Variants in PHYKPL observed in about 807,000 individuals in gnomAD.
PHYKPL encodes the protein 5-phosphohydroxy-L-lysine phospho-lyase.
In PHYKPL, 42 loss-of-function variants were observed where a neutral mutation model predicts 51.3. The observed-to-expected ratio is 0.82, with a 90% confidence interval of 0.64 to 1.06. PHYKPL has a LOEUF of 1.06. PHYKPL is among the 50% of genes least tolerant of loss of function. The probability of loss-of-function intolerance (pLI) is 0.00; values close to 1 mark genes in which losing one functional copy is unlikely to be tolerated. For missense variants in PHYKPL, 655 were observed against 586.6 expected, an observed-to-expected ratio of 1.12 and a Z score of -1.20; for synonymous variants, 264 against 236.0, an observed-to-expected ratio of 1.12 and a Z score of -1.09.
At chr5:178,232,469 C>T (rs1348212220) in intron 1 of PHYKPL, 23 bp downstream of exon 1, 1 of 1,354,572 alleles carries the variant, frequency 7.4e-7, no homozygotes, top group South Asian at 1.7e-5. Context: ...GCGCCCCCCG[C>T]CGCCCGCCCC....
intron 12 of PHYKPL, chr5:178,209,278 C>CTGG: frequency 7.1e-7 from 1 of 1,407,764 alleles, no homozygotes. Flanking sequence ...TTTGGGCAGT[C>CTGG]ACTGCCCTGA....
At position 178,231,421 on chromosome 5, in the gene PHYKPL, G is replaced by A. The variant is rs763209851; in HGVS notation, c.162C>T (p.Ile54=). 2.5e-6 allele frequency: 4 copies of A among 1,614,174 alleles called. No homozygotes were observed. The East Asian group carries it at 6.7e-5, about 27-fold the overall frequency. The change falls in exon 2 of 13, where the codon ATC becomes ATT. Residue 54 remains isoleucine, a synonymous_variant. Transcript: ENST00000308158. ...GATACTGACCGTGCGCCACATTGCT[G>A]ATGCAATCGATGTATTCTGCCCCCT... is the stretch of plus-strand genomic sequence containing the variant. The part of the protein sequence containing the change: ...DEQGAEYIDC[I]SNVAHVGHCH...
chr5:178,232,593 G>A lies in PHYKPL; in HGVS notation c.-43C>T. The A allele has an allele frequency of 8.0e-7, 1 of 1,248,302 alleles. No homozygotes were observed. Among genetic ancestry groups the A allele is most frequent in the East Asian group, 3.2e-5 (1 of 31,408 alleles). 77.3% of individuals were successfully genotyped at this position (1,248,302 alleles called of 1,614,324 possible). On this transcript the variant is annotated 5_prime_UTR_variant, in exon 1 of 13. In the 5' UTR this introduces an upstream ATG that the reference lacks. Transcript: ENST00000308158. ...CGGTGCCGTGACGCCACGCGGAGAC[G>A]TCGCCGCGCGGGCTGGGCCTCCAAG...
At chr5:178,215,229 A>G in intron 9 of PHYKPL, 47 bp downstream of exon 9, 1 of 1,612,980 alleles carries the variant, frequency 6.2e-7, no homozygotes, top group Non-Finnish European at 8.5e-7. Flanking sequence ...ATGGTACCAC[A>G]CTGGGCCTTG....
At chr5:178,212,349 C>T (rs572889314) in intron 11 of PHYKPL, among the ~76,000 whole-genome samples, 6 of 152,362 alleles carry the variant, frequency 3.9e-5, no homozygotes, top group South Asian at 4.1e-4. Context: ...GGTAGGAGGG[C>T]ACAGGTTGCT....
chr5:178,228,936 G>A (rs775758464), intron 3 of PHYKPL, among the ~76,000 whole-genome samples: 12 of 152,106 alleles, frequency 7.9e-5, no homozygotes, highest in Non-Finnish European at 8.8e-5. Context: ...GAAGGCCCTA[G>A]GTGATGCGCC....
intron 12 of PHYKPL, chr5:178,210,920 T>C: frequency 2.3e-6 from 1 of 429,602 alleles, no homozygotes; most frequent in Non-Finnish European, 4.2e-6. Context: ...AGCCTGGACC[T>C]GTGGACCCTG....
chr5:178,210,460 G>A (rs761714402), intron 12 of PHYKPL: 37 of 1,489,752 alleles, frequency 2.5e-5, no homozygotes, highest in Admixed American at 3.5e-5. Context: ...CTGCTGTCAC[G>A]GCTGGTGAGG....
chr5:178,219,173 A>T (rs1760579676), intron 8 of PHYKPL, among the ~76,000 whole-genome samples: 1 of 152,188 alleles, frequency 6.6e-6, no homozygotes, highest in South Asian at 2.1e-4. Flanking sequence ...TATATGAAAA[A>T]CACCGTCTAT....
intron 6 of PHYKPL, 42 bp downstream of exon 6, chr5:178,224,406 C>T (rs1240853264): frequency 1.3e-6 from 2 of 1,509,154 alleles, no homozygotes; most frequent in Admixed American, 2.0e-5. Flanking sequence ...ACGGAGGTGA[C>T]ATTCACTGTT....
At chr5:178,217,451 C>T (rs1760045047) in intron 8 of PHYKPL, among the ~76,000 whole-genome samples, 1 of 151,658 alleles carries the variant, frequency 6.6e-6, no homozygotes, top group South Asian at 2.1e-4. Context: ...AAACCCGGGA[C>T]CTCAAGTGAT....
At chr5:178,225,051 C>T in intron 4 of PHYKPL, 1 of 564,860 alleles carries the variant, frequency 1.8e-6, no homozygotes, top group African/African-American at 1.9e-5. Context: ...GCTTTGTGCA[C>T]ATCACATACT....
At chr5:178,215,824 C>G (rs940796333) in intron 8 of PHYKPL, 1 of 173,804 alleles carries the variant, frequency 5.8e-6, no homozygotes, top group Non-Finnish European at 1.2e-5. Flanking sequence ...GAGCGCAGCA[C>G]GCCAAGCCCC....
Position 178,222,575 on chromosome 5 carries a change from A to C in PHYKPL, c.707T>G (p.Ile236Ser), listed in dbSNP as rs776879679. Reference protein sequence around the residue: ...AGYFSQVAEHIRKAGGVFVAD... With the variant: ...AGYFSQVAEHSRKAGGVFVAD... ...AACAAAGACCCCTCCGGCCTTGCGG[A>C]TGTGCCTGTGGCAGAGGAGATGACT... The change falls in exon 8 of 13, where the codon ATC becomes AGC. Residue 236 changes from isoleucine (I) to serine (S), a missense_variant. Coordinates refer to ENST00000308158, the MANE Select transcript of PHYKPL (RefSeq NM_153373.4). 8.1e-5 allele frequency: 131 copies of C among 1,613,990 alleles called. No homozygotes were observed. The highest frequency in any genetic ancestry group is 1.1e-4 in the Non-Finnish European group (128 of 1,179,964).
chr5:178,209,300 T>A lies in PHYKPL; in HGVS notation c.*32-385A>T, dbSNP rs777311444. The A allele has an allele frequency of 8.2e-6, 13 of 1,584,476 alleles. No homozygotes were observed. In the East Asian group the frequency reaches 2.9e-4, roughly 35 times the overall value. The stretch of plus-strand genomic sequence containing the variant: ...AGTCACTGCCCTGAGTTTGTCCTAC[T>A]GGCCTGACCACTGTCCTCTTGACTT... On this transcript the variant is annotated intron_variant, in intron 12 of 12. Transcript: ENST00000308158.
Position 178,215,351 on chromosome 5 carries a change from G to T in PHYKPL, c.1007C>A (p.Ala336Asp). ...VLEKEQLQDH[A>D]TSVGSFLMQL... The stretch of plus-strand genomic sequence containing the variant: ...CATCAGGAAGCTGCCTACACTGGTG[G>T]CATGATCCTGGAGCTGCTCCTTCTC... The change falls in exon 9 of 13, where the codon GCC (alanine) becomes GAC (aspartate). Residue 336 changes from alanine to aspartate, a missense_variant. Physicochemically the swap from Ala to Asp is moderately radical, Grantham distance 126. Coordinates refer to ENST00000308158, the MANE Select transcript of PHYKPL (RefSeq NM_153373.4). 6.2e-7 allele frequency: 1 copy of T among 1,614,044 alleles called. No individual in the cohort carries two copies. The highest frequency in any genetic ancestry group is 8.5e-7 in the Non-Finnish European group (1 of 1,179,980).
At chr5:178,214,293 G>C (rs1759282432) in intron 10 of PHYKPL, among the ~76,000 whole-genome samples, 1 of 152,112 alleles carries the variant, frequency 6.6e-6, no homozygotes, top group African/African-American at 2.4e-5. Flanking sequence ...AAGCAAACCA[G>C]GGCATTGGGA....
At chr5:178,219,347 GACAC>G (rs1034512656) in intron 8 of PHYKPL, among the ~76,000 whole-genome samples, 2 of 150,676 alleles carry the variant, frequency 1.3e-5, no homozygotes, top group Non-Finnish European at 2.9e-5. Flanking sequence ...CACACACACA[GACAC>G]ACACACATAC....
chr5:178,232,003 C>G, intron 1 of PHYKPL: 1 of 1,203,458 alleles, frequency 8.3e-7, no homozygotes. Context: ...CCTCACCCAC[C>G]GTCCCACCGA....
Sources: gnomAD v4.1 joint callset for allele counts (sites outside exome capture counted in the v4.1 genomes callset) on GRCh38, gnomAD v4.1.1 for gene constraint, MANE v1.5 for transcripts, NCBI Gene and HGNC (gene_info 2026-07-23, HGNC 2026-07-21) for gene names.